GRIN1: variants seen among roughly 807,000 people sequenced by gnomAD.
GRIN1 encodes the protein glutamate receptor ionotropic, NMDA 1.
GRIN1 carries 38 observed loss-of-function variants against 103.0 expected under a neutral mutation model. That is an observed-to-expected ratio of 0.37 (90% confidence interval 0.28 to 0.48). The LOEUF (loss-of-function observed/expected upper bound fraction) is 0.48, where lower values mean the gene tolerates loss of function less well. Ranked by LOEUF, GRIN1 falls within the 20% of genes least tolerant of loss-of-function variation. The pLI, the probability that GRIN1 is intolerant of heterozygous loss-of-function variation, is 0.98. For missense variants in GRIN1, 577 were observed against 1,288.9 expected (o/e 0.45, Z 8.46); for synonymous variants, 544 against 532.7 (o/e 1.02, Z -0.29).
chr9:137,149,412 C>T (rs549377758), intron 4 of GRIN1, among the ~76,000 whole-genome samples: 2 of 152,338 alleles, frequency 1.3e-5, no homozygotes, highest in East Asian at 1.9e-4. Flanking sequence ...TGGGAAGCCC[C>T]GCAACTCAAG....
rs1184057621 is a variant in GRIN1, at chr9:137,146,686, C to T, written c.570+784C>T. Among the ~76,000 whole-genome samples, 1 of 152,158 alleles carries T rather than the reference C, an allele frequency of 6.6e-6. No individual in the cohort carries two copies. Among genetic ancestry groups the T allele is most frequent in the Non-Finnish European group, 1.5e-5 (1 of 68,024 alleles). On this transcript the variant is annotated intron_variant, in intron 3 of 19. Transcript: ENST00000371561. The surrounding 1 kb of genome is among the most constrained non-coding windows in gnomAD (Gnocchi z 6.7). Reference sequence around the variant, plus strand: ...CAGAGCTGGTTCTCGGCTACAGACCCCCGGAGCCCTGGGTGCTCAGCACCT... The same window carrying T: ...CAGAGCTGGTTCTCGGCTACAGACCTCCGGAGCCCTGGGTGCTCAGCACCT...
Position 137,158,423 on chromosome 9 carries a change from T to A in GRIN1, c.1013T>A (p.Val338Glu). The A allele has an allele frequency of 6.2e-7, 1 of 1,613,458 alleles. No homozygotes were observed. Among genetic ancestry groups the A allele is most frequent in the Non-Finnish European group, 8.5e-7 (1 of 1,179,934 alleles). The change falls in exon 7 of 20, where the codon GTG becomes GAG. Residue 338 changes from valine to glutamate, a missense_variant. Around this residue, in one of 9 missense-constraint regions of GRIN1, gnomAD observed 308 missense variants for 553.6 expected, o/e 0.56. Transcript: ENST00000371561. Reference sequence around the variant, plus strand: ...TATGCGGATGGGGTGACTGGTCGCGTGGAGTTCAATGAGGATGGGGACCGG... The same window carrying A: ...TATGCGGATGGGGTGACTGGTCGCGAGGAGTTCAATGAGGATGGGGACCGG... ...SKYADGVTGR[V>E]EFNEDGDRKF...
At chr9:137,152,145 A>G (rs1169480401) in intron 4 of GRIN1, among the ~76,000 whole-genome samples, 3 of 152,218 alleles carry the variant, frequency 2.0e-5, no homozygotes, top group African/African-American at 4.8e-5. Flanking sequence ...TGGCCTCATG[A>G]TCTGCCCGCC....
Position 137,139,506 on chromosome 9 carries a change from T to C in GRIN1, c.20T>C (p.Leu7Pro). 1 of 1,599,064 alleles carries C rather than the reference T, an allele frequency of 6.3e-7. No homozygotes were observed. The highest frequency in any genetic ancestry group is 8.5e-7 in the Non-Finnish European group (1 of 1,172,644). Residue 7 changes from leucine (L) to proline (P), a missense_variant, in exon 1 of 20, where the codon CTG (leucine) becomes CCG (proline). Transcript: ENST00000371561. The surrounding 1 kb of genome is among the most constrained non-coding windows in gnomAD (Gnocchi z 7.7). MSTMRL[L>P]TLALLFSCSV... ...GAGCCCATGAGCACCATGCGCCTGCTGACGCTCGCCCTGCTGTTCTCCTGC... is the reference window on the plus strand; with the variant it reads ...GAGCCCATGAGCACCATGCGCCTGCCGACGCTCGCCCTGCTGTTCTCCTGC...
intron 8 of GRIN1, among the ~76,000 whole-genome samples, chr9:137,159,822 G>A (rs112435450): frequency 4.6e-5 from 7 of 152,198 alleles, no homozygotes; most frequent in South Asian, 4.1e-4. Context: ...GAGGGTGGGC[G>A]GGCCTGCCCC....
chr9:137,155,585 A>G (rs1833169651), intron 4 of GRIN1, among the ~76,000 whole-genome samples: 1 of 142,984 alleles, frequency 7.0e-6, no homozygotes, highest in Non-Finnish European at 1.6e-5. Flanking sequence ...CCTGCTGCCC[A>G]TGTCTGGAGA....
chr9:137,165,132 G>A, intron 18 of GRIN1, 54 bp from the exon 19 acceptor site: 1 of 1,267,100 alleles, frequency 7.9e-7, no homozygotes, highest in Non-Finnish European at 1.2e-6. Flanking sequence ...AGCAGGCGAG[G>A]GCAGGTGTGG....
chr9:137,139,625 A>T lies in GRIN1; in HGVS notation c.139A>T (p.Asn47Tyr), dbSNP rs1347150317. The T allele has an allele frequency of 6.2e-6, 10 of 1,613,856 alleles. No homozygotes were observed. Among genetic ancestry groups the T allele is most frequent in the Non-Finnish European group, 8.5e-6 (10 of 1,179,974 alleles). Residue 47 changes from asparagine (N) to tyrosine (Y), a missense_variant, in exon 1 of 20, where the codon AAC becomes TAC. Asn to Tyr is a moderately radical substitution (Grantham distance 143). Coordinates refer to ENST00000371561, the MANE Select transcript of GRIN1 (RefSeq NM_007327.4). The surrounding 1 kb of genome is among the most constrained non-coding windows in gnomAD (Gnocchi z 7.7). ...KHEQMFREAV[N>Y]QANKRHGSWK... is the part of the protein sequence containing the mutation. Reference sequence around the variant, plus strand: ...CGAGCAGATGTTCCGCGAGGCCGTGAACCAGGCCAACAAGCGGCACGGCTC... The same window carrying T: ...CGAGCAGATGTTCCGCGAGGCCGTGTACCAGGCCAACAAGCGGCACGGCTC...
intron 19 of GRIN1, among the ~76,000 whole-genome samples, chr9:137,166,307 C>G (rs1240168022): frequency 6.6e-6 from 1 of 152,170 alleles, no homozygotes; most frequent in East Asian, 1.9e-4. Flanking sequence ...CCAGAGGCCC[C>G]CAGAGCGAAC....
At chr9:137,156,273 G>A (rs1833210517) in intron 4 of GRIN1, among the ~76,000 whole-genome samples, 1 of 152,206 alleles carries the variant, frequency 6.6e-6, no homozygotes, top group African/African-American at 2.4e-5. Context: ...AGGGAAGGGC[G>A]TGCTGGGGAG....
In GRIN1 at chr9:137,160,880, T is replaced by C. The variant is rs189008213; in HGVS notation, c.1198-176T>C. Reference sequence around the variant, plus strand: ...GCTGGGGAGGACGTGTCCTGAACACTTGGGCTCGTGAAGAAGCTCCAGAGA... The same window carrying C: ...GCTGGGGAGGACGTGTCCTGAACACCTGGGCTCGTGAAGAAGCTCCAGAGA... On this transcript the variant is annotated intron_variant, in intron 8 of 19. Coordinates refer to ENST00000371561, the MANE Select transcript of GRIN1 (RefSeq NM_007327.4). Among the ~76,000 whole-genome samples, 330 of 152,262 alleles carry C rather than the reference T, an allele frequency of 2.2e-3. 2 individuals carry two copies. The highest frequency in any genetic ancestry group is 1.2e-3 in the East Asian group (6 of 5,174).
At position 137,168,483 on chromosome 9, in the gene GRIN1, G is replaced by T. The variant is rs925674126; in HGVS notation, c.*956G>T. The T allele has an allele frequency of 3.6e-5, 7 of 194,890 alleles. No homozygotes were observed. Among genetic ancestry groups the T allele is most frequent in the Non-Finnish European group, 6.2e-5 (6 of 97,526 alleles). The allele number at this position is 194,890 out of a possible 1,614,324, so 12.1% of individuals were successfully genotyped here. On this transcript the variant is annotated 3_prime_UTR_variant, in exon 20 of 20. Coordinates refer to ENST00000371561, the MANE Select transcript of GRIN1 (RefSeq NM_007327.4). ...TGCAGCCCAGAACGGGCCTCCCCGG[G>T]GGTCCCCGGACGCTGGCTCGGGACT...
intron 4 of GRIN1, among the ~76,000 whole-genome samples, chr9:137,151,205 C>G (rs1188763077): frequency 7.0e-6 from 1 of 142,758 alleles, no homozygotes; most frequent in South Asian, 2.3e-4. Context: ...AAAAGTCCCG[C>G]CCAGAAAAAA....
intron 8 of GRIN1, among the ~76,000 whole-genome samples, chr9:137,158,933 C>A (rs888513166): frequency 6.6e-6 from 1 of 152,198 alleles, no homozygotes; most frequent in African/African-American, 2.4e-5. Context: ...TCTCCAGTGC[C>A]CCTCTTGACC....
chr9:137,163,941 GCCCGGCCTGGCCACGGC>G (rs1429408111), intron 18 of GRIN1, 37 bp downstream of exon 18: 35 of 1,607,642 alleles, frequency 2.2e-5, no homozygotes, highest in Non-Finnish European at 2.8e-5. Flanking sequence ...GGTGCCCAGG[GCCCGGCCTGGCCACGGC>G]CCTCCTCCAT....
Position 137,161,868 on chromosome 9 carries a change from G to C in GRIN1, c.1468-56G>C. On this transcript the variant is annotated intron_variant, in intron 10 of 19. Transcript: ENST00000371561. ...AGGGCGGCTTCAGTCGGGGGTACCT[G>C]TGGCGGGAGCTGGGAGGACGCTGCC... is the stretch of plus-strand genomic sequence containing the variant. 2.0e-6 allele frequency: 3 copies of C among 1,535,548 alleles called. No individual in the cohort carries two copies. The South Asian group carries it at 3.6e-5, about 18-fold the overall frequency.
chr9:137,157,100 A>G lies in GRIN1; in HGVS notation c.968+63A>G. Reference sequence around the variant, plus strand: ...TTGGGGAGGTGGGCGGGGTCACTCCAGAGATGGGCGGGGCCGCTCTTGGGG... The same window carrying G: ...TTGGGGAGGTGGGCGGGGTCACTCCGGAGATGGGCGGGGCCGCTCTTGGGG... On this transcript the variant is annotated intron_variant, in intron 6 of 19. Coordinates refer to ENST00000371561, the MANE Select transcript of GRIN1 (RefSeq NM_007327.4). 6.2e-6 allele frequency: 4 copies of G among 647,200 alleles called. No individual in the cohort carries two copies. The South Asian group carries it at 7.1e-5, about 12-fold the overall frequency. 40.1% of individuals were successfully genotyped at this position (647,200 alleles called of 1,614,324 possible). A position where few individuals can be genotyped will look rare whatever the true frequency, so the allele number is the denominator to read the frequency against.
chr9:137,165,670 G>A (rs892673959), intron 19 of GRIN1, among the ~76,000 whole-genome samples: 5 of 152,194 alleles, frequency 3.3e-5, no homozygotes, highest in Non-Finnish European at 5.9e-5. Flanking sequence ...CTCCTCAGCT[G>A]CCGGGAGGCC....
At chr9:137,167,328 C>A in intron 19 of GRIN1, 83 bp from the exon 20 acceptor site, 1 of 1,087,362 alleles carries the variant, frequency 9.2e-7, no homozygotes, top group Non-Finnish European at 1.4e-6. Context: ...CGGTCCGGGC[C>A]AGGGCGGCAC....
Sources: allele counts gnomAD v4.1 joint callset (sites outside exome capture counted in the v4.1 genomes callset), GRCh38; gene constraint gnomAD v4.1.1; regional missense constraint gnomAD v4.1.1; non-coding constraint Gnocchi (gnomAD v3.1); transcripts MANE v1.5; gene names NCBI Gene and HGNC (gene_info 2026-07-23, HGNC 2026-07-21).